The following TSPEAR variants were observed in gnomAD, a reference collection of about 807,000 sequenced individuals.
TSPEAR encodes thrombospondin-type laminin G domain and EAR repeat-containing protein.
In TSPEAR, 69 loss-of-function variants were observed where a neutral mutation model predicts 71.6. The observed-to-expected ratio is 0.96, with a 90% CI of 0.79 to 1.18. The LOEUF (loss-of-function observed/expected upper bound fraction) is 1.18, where lower values mean the gene tolerates loss of function less well. Among genes scored for constraint, TSPEAR ranks in the 50% most tolerant of loss-of-function variants. The pLI, the probability that TSPEAR is intolerant of heterozygous loss-of-function variation, is 0.00. For missense variants in TSPEAR, 971 were observed against 894.9 expected (o/e 1.09, Z -1.09); for synonymous variants, 402 against 387.2 (o/e 1.04, Z -0.45).
chr21:44,569,951 G>A (rs150507560), intron 1 of TSPEAR, among the ~76,000 whole-genome samples: 40 of 152,226 alleles, frequency 2.6e-4, no homozygotes, highest in East Asian at 1.4e-3. Context: ...GTGGCGTTGC[G>A]TCCTGGGTCC....
chr21:44,630,049 G>A (rs941066800), intron 1 of TSPEAR, among the ~76,000 whole-genome samples: 1 of 152,192 alleles, frequency 6.6e-6, no homozygotes, highest in African/African-American at 2.4e-5. Context: ...CAGGGGCCGT[G>A]GTACACACAC....
intron 1 of TSPEAR, among the ~76,000 whole-genome samples, chr21:44,660,991 A>G (rs989552727): frequency 8.6e-5 from 13 of 151,994 alleles, no homozygotes; most frequent in African/African-American, 3.1e-4. Context: ...ATTATTTTAA[A>G]AGAAGATAAA....
chr21:44,613,930 G>T (rs2146179034), intron 1 of TSPEAR, among the ~76,000 whole-genome samples: 1 of 152,230 alleles, frequency 6.6e-6, no homozygotes, highest in East Asian at 1.9e-4. Flanking sequence ...AGGCCCTGTG[G>T]CTCTGCCGCC....
chr21:44,707,022 C>T (rs1321265793), intron 1 of TSPEAR, among the ~76,000 whole-genome samples: 2 of 152,244 alleles, frequency 1.3e-5, no homozygotes, highest in African/African-American at 4.8e-5. Flanking sequence ...CCCGGCTTTC[C>T]TAGCGGAATT....
chr21:44,548,731 C>T (rs587735491), intron 2 of TSPEAR, among the ~76,000 whole-genome samples: 2 of 152,294 alleles, frequency 1.3e-5, no homozygotes, highest in South Asian at 2.1e-4. Flanking sequence ...CTCACAGTTC[C>T]CCGCTGCACC....
intron 1 of TSPEAR, among the ~76,000 whole-genome samples, chr21:44,675,028 T>G (rs1986244399): frequency 6.6e-6 from 1 of 152,064 alleles, no homozygotes; most frequent in South Asian, 2.1e-4. Flanking sequence ...TCTCCTCAAA[T>G]TGTTCCAAAA....
At chr21:44,669,900 T>C (rs1985975273) in intron 1 of TSPEAR, among the ~76,000 whole-genome samples, 2 of 152,112 alleles carry the variant, frequency 1.3e-5, no homozygotes, top group African/African-American at 4.8e-5. Flanking sequence ...GGCCTGCCCA[T>C]CTACTGGGGG....
intron 2 of TSPEAR, among the ~76,000 whole-genome samples, chr21:44,541,740 G>A (rs1415036107): frequency 6.6e-6 from 1 of 152,200 alleles, no homozygotes; most frequent in African/African-American, 2.4e-5. Context: ...GAATGTAAGT[G>A]AAGGGCTACT....
In TSPEAR at chr21:44,506,257, T is replaced by A. The variant is rs112800128; in HGVS notation, c.1755-1376A>T. On this transcript the variant is annotated intron_variant, in intron 10 of 11. Transcript: ENST00000323084. The surrounding 1 kb of genome is among the most constrained non-coding windows in gnomAD (Gnocchi z 4.2). ...GGGTCTGAGGAGCGGCTCCCCTGGA[T>A]CCTTTCCTCCCCAGGAGCCCACCTG... Among the ~76,000 whole-genome samples, 6,710 of 152,294 alleles carry A rather than the reference T, an allele frequency of 0.044. 481 individuals are homozygous for A. Among genetic ancestry groups the A allele is most frequent in the African/African-American group, 0.15 (6,152 of 41,544 alleles).
At chr21:44,558,256 G>T (rs782472833) in intron 2 of TSPEAR, 1 of 1,614,078 alleles carries the variant, frequency 6.2e-7, no homozygotes, top group Admixed American at 1.7e-5. Flanking sequence ...GAGGAGGAGG[G>T]TCTGCAGCAG....
At chr21:44,543,537 G>A (rs2053255013) in intron 2 of TSPEAR, among the ~76,000 whole-genome samples, 1 of 152,104 alleles carries the variant, frequency 6.6e-6, no homozygotes, top group Non-Finnish European at 1.5e-5. Context: ...GACCTTATAT[G>A]GAAATAAGGT....
Position 44,522,011 on chromosome 21 carries a change from C to T in TSPEAR, c.1438G>A (p.Glu480Lys), listed in dbSNP as rs782009590. 9 of 1,614,040 alleles carry T rather than the reference C, an allele frequency of 5.6e-6. No individual in the cohort carries two copies. The African/African-American group carries it at 1.2e-4, about 22-fold the overall frequency. The change falls in exon 9 of 12, where the codon GAG becomes AAG. Residue 480 changes from glutamate to lysine, a missense_variant. Transcript: ENST00000323084. ...TIATSGAYDW[E>K]FFSVGPYSFL... Reference sequence around the variant, plus strand: ...GAGTAGGGCCCCACACTGAAGAACTCCCAGTCGTAGGCGCCGGAGGTGGCG... The same window carrying T: ...GAGTAGGGCCCCACACTGAAGAACTTCCAGTCGTAGGCGCCGGAGGTGGCG...
Position 44,687,755 on chromosome 21 carries a change from G to A in TSPEAR, c.82+23678C>T, listed in dbSNP as rs915915823. Among the ~76,000 whole-genome samples, 26 of 152,166 alleles carry A rather than the reference G, an allele frequency of 1.7e-4. 1 individual carries two copies. The highest frequency in any genetic ancestry group is 5.6e-4 in the African/African-American group (23 of 41,426). Reference sequence around the variant, plus strand: ...ACCCTCTCCCCTGGGCCTTGAGGGGGCCTGGGTGAGCTGTGTTGACAGATT... The same window carrying A: ...ACCCTCTCCCCTGGGCCTTGAGGGGACCTGGGTGAGCTGTGTTGACAGATT... On this transcript the variant is annotated intron_variant, in intron 1 of 11. Transcript: ENST00000323084. The surrounding 1 kb of genome is among the most constrained non-coding windows in gnomAD (Gnocchi z 4.4).
In TSPEAR at chr21:44,567,980, C is replaced by T. The variant is rs782589581; in HGVS notation, c.108G>A (p.Ala36=). The T allele has an allele frequency of 9.7e-6, 15 of 1,551,438 alleles. No homozygotes were observed. The highest frequency in any genetic ancestry group is 2.7e-5 in the African/African-American group (2 of 73,274). The change falls in exon 2 of 12, where the codon GCG becomes GCA. Residue 36 remains alanine (A), a synonymous_variant. Coordinates refer to ENST00000323084, the MANE Select transcript of TSPEAR (RefSeq NM_144991.3). ...CTDLRPLDIL[A]EVVPSDGATS... ...TGGCGCCATCAGAAGGGACCACTTC[C>T]GCCAGGATGTCCAGGGGGCGCAGGT... is the stretch of plus-strand genomic sequence containing the variant.
intron 1 of TSPEAR, among the ~76,000 whole-genome samples, chr21:44,595,474 A>G (rs1392724003): frequency 6.6e-6 from 1 of 152,228 alleles, no homozygotes; most frequent in Non-Finnish European, 1.5e-5. Flanking sequence ...GAATCTATAT[A>G]GTTGATTTAT....
At chr21:44,654,736 T>A in intron 1 of TSPEAR, 1 of 679,356 alleles carries the variant, frequency 1.5e-6, no homozygotes, top group South Asian at 2.0e-5. Context: ...ATCTTCCTCG[T>A]GGGTGGTTTT....
chr21:44,556,976 C>A (rs2053542015), intron 2 of TSPEAR, among the ~76,000 whole-genome samples: 2 of 152,182 alleles, frequency 1.3e-5, no homozygotes, highest in Non-Finnish European at 2.9e-5. Context: ...TGCTGTTACA[C>A]TATGAAAAAG....
intron 10 of TSPEAR, among the ~76,000 whole-genome samples, chr21:44,505,560 T>G (rs868922762): frequency 8.6e-5 from 1 of 11,646 alleles, no homozygotes; most frequent in Non-Finnish European, 2.3e-4. Context: ...CATCACCCCC[T>G]CCCCCCTCCC....
rs9680494 is a variant in TSPEAR, at chr21:44,650,389, G to A, written c.82+61044C>T. On this transcript the variant is annotated intron_variant, in intron 1 of 11. Coordinates refer to ENST00000323084, the MANE Select transcript of TSPEAR (RefSeq NM_144991.3). ...TTATAAAAAGGCAAAATTTGCACAC[G>A]AACGGGCACCTGGAGAACGCCATGT... Among the ~76,000 whole-genome samples the A allele has an allele frequency of 9.9e-3, 1,506 of 152,364 alleles. 20 individuals are homozygous for A. Among genetic ancestry groups the A allele is most frequent in the African/African-American group, 0.034 (1,420 of 41,584 alleles).
Sources: gnomAD v4.1 joint callset for allele counts (sites outside exome capture counted in the v4.1 genomes callset) on GRCh38, gnomAD v4.1.1 for gene constraint, Gnocchi (gnomAD v3.1) non-coding constraint, MANE v1.5 for transcripts, NCBI Gene and HGNC (gene_info 2026-07-23, HGNC 2026-07-21) for gene names.